The following AGO1 variants were observed in gnomAD, a reference collection of about 807,000 sequenced individuals.
The protein encoded by AGO1 is protein argonaute-1.
In AGO1, 11 loss-of-function variants were observed where a neutral mutation model predicts 109.2. The observed-to-expected ratio is 0.10, with a 90% CI of 0.06 to 0.17. The LOEUF (loss-of-function observed/expected upper bound fraction) is 0.17. Among genes scored for constraint, AGO1 ranks in the 10% least tolerant of loss-of-function variants. AGO1 has a pLI of 1.00. For synonymous variants in AGO1, 422 were observed against 418.6 expected, an observed-to-expected ratio of 1.01 and a Z score of -0.10; for missense variants, 574 against 1,140.3, an observed-to-expected ratio of 0.50 and a Z score of 7.15.
At position 35,888,624 on chromosome 1, in the gene AGO1, A is replaced by AC. The variant is rs939665851; in HGVS notation, c.209+16dup. The AC allele has an allele frequency of 3.1e-6, 5 of 1,612,734 alleles. No individual in the cohort carries two copies. The African/African-American group carries it at 6.7e-5, about 22-fold the overall frequency. ...TAGAGTCAACCGGTAAGTGATGCACACCTAAGCCACCAAATCTGAAAGACA... is the reference window on the plus strand; with the variant it reads ...TAGAGTCAACCGGTAAGTGATGCACACCCTAAGCCACCAAATCTGAAAGACA... On this transcript the variant is annotated intron_variant, in intron 2 of 18. Coordinates refer to ENST00000373204, the MANE Select transcript of AGO1 (RefSeq NM_012199.5). The surrounding 1 kb of genome is among the most constrained non-coding windows in gnomAD (Gnocchi z 4.1).
At chr1:35,915,225 C>T in intron 14 of AGO1, 123 bp from the exon 15 acceptor site, 2 of 716,394 alleles carry the variant, frequency 2.8e-6, no homozygotes, top group Non-Finnish European at 2.3e-6. Context: ...AACCAGGGCT[C>T]ACTGAGTCTC....
Position 35,888,329 on chromosome 1 carries a change from A to G in AGO1, c.26-98A>G. ...GTAGCAGGAAAGAGGCATTCTCTAT[A>G]CTCTCGTGTTCCTGTTCTGGGAGGC... On this transcript the variant is annotated intron_variant, in intron 1 of 18. Coordinates refer to ENST00000373204, the MANE Select transcript of AGO1 (RefSeq NM_012199.5). This position sits in a 1 kb window ranked among gnomAD's most constrained non-coding sequence, Gnocchi z 4.1. 1 of 1,273,462 alleles carries G rather than the reference A, an allele frequency of 7.9e-7. No individual in the cohort carries two copies. The highest frequency in any genetic ancestry group is 1.1e-6 in the Non-Finnish European group (1 of 904,130). 78.9% of individuals were successfully genotyped at this position (1,273,462 alleles called of 1,614,324 possible).
At chr1:35,910,270 G>A (rs1645609081) in intron 12 of AGO1, among the ~76,000 whole-genome samples, 1 of 151,596 alleles carries the variant, frequency 6.6e-6, no homozygotes, top group South Asian at 2.1e-4. Context: ...AGGTCCCATT[G>A]GCTTTTGGTT....
rs1645715386 is a variant in AGO1 at position 35,915,372 on chromosome 1, C to G, written c.1858C>G (p.Pro620Ala). 1 of 1,613,820 alleles carries G rather than the reference C, an allele frequency of 6.2e-7. No homozygotes were observed. The highest frequency in any genetic ancestry group is 8.5e-7 in the Non-Finnish European group (1 of 1,179,820). The stretch of plus-strand genomic sequence containing the variant: ...GGTGGTAGGCAGTATGGATGCCCAC[C>G]CCAGCCGATACTGTGCTACTGTGCG... ...TAVVGSMDAH[P>A]SRYCATVRVQ... Residue 620 changes from proline (P) to alanine (A), a missense_variant, in exon 15 of 19, where the codon CCC becomes GCC. By Grantham distance (27) the Pro-to-Ala change is conservative. This residue lies in a region of AGO1 where 68 missense variants were observed against 200.2 expected (regional missense o/e 0.34). Transcript: ENST00000373204.
chr1:35,876,557 T>G (rs905101595), intron 1 of AGO1, among the ~76,000 whole-genome samples: 4 of 152,190 alleles, frequency 2.6e-5, no homozygotes, highest in Admixed American at 6.5e-5. Flanking sequence ...TGAGCCACTG[T>G]GCCCGGCTGG....
At position 35,883,808 on chromosome 1, in the gene AGO1, G is replaced by A. The variant is rs530208948; in HGVS notation, c.25+362G>A. On this transcript the variant is annotated intron_variant, in intron 1 of 18. Coordinates refer to ENST00000373204, the MANE Select transcript of AGO1 (RefSeq NM_012199.5). The surrounding 1 kb of genome is among the most constrained non-coding windows in gnomAD (Gnocchi z 5.4). ...GGAGAGGAGGGGGCGACACAGATGG[G>A]CCTGGAGCTACCGCATGCCGGGGGC... is the stretch of plus-strand genomic sequence containing the variant. 2.0e-5 allele frequency among the ~76,000 whole-genome samples: 3 copies of A among 152,334 alleles called. No individual in the cohort carries two copies. Among genetic ancestry groups the A allele is most frequent in the African/African-American group, 7.2e-5 (3 of 41,586 alleles).
chr1:35,894,905 G>A (rs1208737915), intron 7 of AGO1, among the ~76,000 whole-genome samples: 1 of 152,116 alleles, frequency 6.6e-6, no homozygotes, highest in African/African-American at 2.4e-5. Context: ...CAAACCTTTG[G>A]CTTCTCTCTT....
At chr1:35,916,472 A>T (rs527284753) in intron 15 of AGO1, among the ~76,000 whole-genome samples, 2 of 152,170 alleles carry the variant, frequency 1.3e-5, no homozygotes, top group African/African-American at 4.8e-5. Context: ...GGCTCAAGCG[A>T]TTCTCTTTCC....
intron 12 of AGO1, among the ~76,000 whole-genome samples, chr1:35,908,841 C>T (rs1160269051): frequency 4.7e-5 from 6 of 128,186 alleles, no homozygotes; most frequent in African/African-American, 5.9e-5. Flanking sequence ...TTTTTTGAGA[C>T]GGAGTCTTGC....
chr1:35,910,510 TACCAC>T (rs1645612838), intron 12 of AGO1, among the ~76,000 whole-genome samples: 4 of 152,164 alleles, frequency 2.6e-5, no homozygotes, highest in Non-Finnish European at 5.9e-5. Flanking sequence ...AGCAGAACCT[TACCAC>T]AGCCCCAGTC....
Position 35,928,366 on chromosome 1 carries a change from T to G in AGO1, c.*8759T>G, listed in dbSNP as rs1571391431. 6.6e-6 allele frequency: 1 copy of G among 152,280 alleles called. No homozygotes were observed. The highest frequency in any genetic ancestry group is 1.5e-5 in the Non-Finnish European group (1 of 68,092). The allele number at this position is 152,280 out of a possible 1,614,324, so 9.4% of individuals were successfully genotyped here. A position where few individuals can be genotyped will look rare whatever the true frequency, so the allele number is the denominator to read the frequency against. ...CATGATCGCGGCTCACTGCAGTTTC[T>G]GCCTCCTGGGCTCAAGCAATCCTCC... is the stretch of plus-strand genomic sequence containing the variant. On this transcript the variant is annotated 3_prime_UTR_variant, in exon 19 of 19. Coordinates refer to ENST00000373204, the MANE Select transcript of AGO1 (RefSeq NM_012199.5).
chr1:35,876,772 T>C (rs1412396377), intron 1 of AGO1, among the ~76,000 whole-genome samples: 1 of 152,160 alleles, frequency 6.6e-6, no homozygotes, highest in Non-Finnish European at 1.5e-5. Flanking sequence ...CAAACAGTAT[T>C]GCATGCTATA....
intron 14 of AGO1, among the ~76,000 whole-genome samples, chr1:35,915,085 C>T (rs1247937083): frequency 6.6e-6 from 1 of 152,128 alleles, no homozygotes; most frequent in Non-Finnish European, 1.5e-5. Context: ...CTGTGGGCTA[C>T]GTCCTGTGTA....
rs1645276022 is a variant in AGO1 at position 35,894,228 on chromosome 1, TC to T, written c.784+61del. On this transcript the variant is annotated intron_variant, in intron 6 of 18. Coordinates refer to ENST00000373204, the MANE Select transcript of AGO1 (RefSeq NM_012199.5). ...GCGCCACTTTAGCCCTAAGAGGAAA[TC>T]CCCTTGGGGTATGCTCAGGGGAGAG... 3 of 1,580,200 alleles carry T rather than the reference TC, an allele frequency of 1.9e-6. No individual in the cohort carries two copies. In the South Asian group the frequency reaches 3.5e-5, roughly 18 times the overall value.
At position 35,893,893 on chromosome 1, in the gene AGO1, C is replaced by G; in HGVS notation, c.649+83C>G. On this transcript the variant is annotated intron_variant, in intron 5 of 18. Coordinates refer to ENST00000373204, the MANE Select transcript of AGO1 (RefSeq NM_012199.5). The surrounding 1 kb of genome is among the most constrained non-coding windows in gnomAD (Gnocchi z 5.6). ...GCCTCATCCCTCCCAGCTCTGCAAC[C>G]ACACTCCTAGTCTAATTCCTACAGC... is the stretch of plus-strand genomic sequence containing the variant. 1 of 1,553,428 alleles carries G rather than the reference C, an allele frequency of 6.4e-7. No individual in the cohort carries two copies. The highest frequency in any genetic ancestry group is 8.7e-7 in the Non-Finnish European group (1 of 1,144,846).
In AGO1 at chr1:35,901,819, TTC is replaced by T. The variant is rs1645421828; in HGVS notation, c.1141-121_1141-120del. 5 of 1,393,972 alleles carry T rather than the reference TTC, an allele frequency of 3.6e-6. No individual in the cohort carries two copies. The highest frequency in any genetic ancestry group is 4.9e-6 in the Non-Finnish European group (5 of 1,024,882). 86.4% of individuals were successfully genotyped at this position (1,393,972 alleles called of 1,614,324 possible). A position where few individuals can be genotyped will look rare whatever the true frequency, so the allele number is the denominator to read the frequency against. ...TCCCTCACTTCCCTCATCTTCCACTTTCTCTCTCTTTTTAGGACTATTCCGTA... is the reference window on the plus strand; with the variant it reads ...TCCCTCACTTCCCTCATCTTCCACTTTCTCTCTTTTTAGGACTATTCCGTA... On this transcript the variant is annotated intron_variant, in intron 9 of 18. Coordinates refer to ENST00000373204, the MANE Select transcript of AGO1 (RefSeq NM_012199.5). The surrounding 1 kb of genome is among the most constrained non-coding windows in gnomAD (Gnocchi z 4.8).
At chr1:35,874,762 T>A (rs940194598) in intron 1 of AGO1, among the ~76,000 whole-genome samples, 2 of 152,350 alleles carry the variant, frequency 1.3e-5, no homozygotes, top group Non-Finnish European at 2.9e-5. Flanking sequence ...AAAGGAGAAG[T>A]TCTTAAGGAA....
chr1:35,886,921 G>A (rs1464112881), intron 1 of AGO1, among the ~76,000 whole-genome samples: 1 of 152,208 alleles, frequency 6.6e-6, no homozygotes, highest in African/African-American at 2.4e-5. Flanking sequence ...TGAAGGATAT[G>A]TGTGTAAGTG....
chr1:35,895,678 C>G (rs573562004), intron 8 of AGO1, among the ~76,000 whole-genome samples: 1 of 152,262 alleles, frequency 6.6e-6, no homozygotes, highest in East Asian at 1.9e-4. Flanking sequence ...TCATGTTTCT[C>G]CAAGGATTAA....
Sources: allele counts gnomAD v4.1 joint callset (sites outside exome capture counted in the v4.1 genomes callset), GRCh38; gene constraint gnomAD v4.1.1; regional missense constraint gnomAD v4.1.1; non-coding constraint Gnocchi (gnomAD v3.1); transcripts MANE v1.5; gene names NCBI Gene and HGNC (gene_info 2026-07-23, HGNC 2026-07-21).